Variants in SLIT2 observed in about 807,000 individuals in gnomAD.
The protein encoded by SLIT2 is slit homolog 2 protein.
Under a neutral mutation model 185.7 loss-of-function variants are expected in SLIT2, and 41 were observed. The observed-to-expected ratio is 0.22, with a 90% CI of 0.17 to 0.29. SLIT2 has a LOEUF of 0.29. Ranked by LOEUF, SLIT2 falls within the 10% of genes least tolerant of loss-of-function variation. The probability of loss-of-function intolerance (pLI) is 1.00; values close to 1 mark genes in which losing one functional copy is unlikely to be tolerated. For missense variants in SLIT2, 1,571 were observed against 1,909.0 expected (o/e 0.82, Z 3.30); for synonymous variants, 693 against 680.2 (o/e 1.02, Z -0.29).
chr4:20,266,123 G>A (rs1323833286), intron 3 of SLIT2, among the ~76,000 whole-genome samples: 1 of 151,586 alleles, frequency 6.6e-6, no homozygotes, highest in African/African-American at 2.4e-5. Flanking sequence ...ACACATGTTA[G>A]CTATTAGTTA....
intron 4 of SLIT2, among the ~76,000 whole-genome samples, chr4:20,310,431 A>G (rs559221978): frequency 7.2e-5 from 11 of 152,174 alleles, no homozygotes; most frequent in African/African-American, 2.6e-4. Context: ...CACCATCATA[A>G]CCCGAGTTTC....
rs374841698 is a variant in SLIT2 at position 20,525,086 on chromosome 4, C to T, written c.1439-63C>T. 1.1e-5 allele frequency: 13 copies of T among 1,199,436 alleles called. No individual in the cohort carries two copies. The African/African-American group carries it at 1.8e-4, about 17-fold the overall frequency. 74.3% of individuals were successfully genotyped at this position (1,199,436 alleles called of 1,614,324 possible). ...TTAGTCCATTCTTAATCTAATATAA[C>T]TCATATCTCTGCTTGCTGACATTCA... On this transcript the variant is annotated intron_variant, in intron 14 of 36. Coordinates refer to ENST00000504154, the MANE Select transcript of SLIT2 (RefSeq NM_004787.4).
intron 33 of SLIT2, among the ~76,000 whole-genome samples, chr4:20,603,133 G>A (rs1406314928): frequency 2.0e-5 from 3 of 152,172 alleles, no homozygotes; most frequent in African/African-American, 4.8e-5. Context: ...TGGCTAGGGA[G>A]GCCTCACAAT....
At chr4:20,412,129 C>T (rs1184833022) in intron 4 of SLIT2, among the ~76,000 whole-genome samples, 1 of 151,918 alleles carries the variant, frequency 6.6e-6, no homozygotes, top group East Asian at 1.9e-4. Context: ...GGGATGCACA[C>T]ACACTTACAT....
chr4:20,505,745 T>C (rs1719149003), intron 9 of SLIT2, among the ~76,000 whole-genome samples: 1 of 152,068 alleles, frequency 6.6e-6, no homozygotes, highest in Non-Finnish European at 1.5e-5. Flanking sequence ...TCTAAGGGTC[T>C]TGTGTTTTAA....
At chr4:20,418,433 A>G (rs1727879237) in intron 4 of SLIT2, among the ~76,000 whole-genome samples, 1 of 152,228 alleles carries the variant, frequency 6.6e-6, no homozygotes, top group Admixed American at 6.5e-5. Flanking sequence ...GCTGAAAGAA[A>G]CACCAGTAAT....
At chr4:20,472,496 A>ATATC (rs1207906860) in intron 5 of SLIT2, among the ~76,000 whole-genome samples, 3 of 9,866 alleles carry the variant, frequency 3.0e-4, no homozygotes, top group Admixed American at 1.9e-3. Flanking sequence ...ATATATAGAT[A>ATATC]TATATCTATA....
intron 29 of SLIT2, among the ~76,000 whole-genome samples, chr4:20,586,108 C>A (rs562365995): frequency 6.6e-6 from 1 of 152,260 alleles, no homozygotes; most frequent in South Asian, 2.1e-4. Context: ...ATATTGAGCT[C>A]CTGAATCTCG....
intron 29 of SLIT2, among the ~76,000 whole-genome samples, chr4:20,583,720 A>T (rs1324074208): frequency 6.6e-6 from 1 of 151,976 alleles, no homozygotes; most frequent in Non-Finnish European, 1.5e-5. Context: ...GAGACAGGAG[A>T]ATCGTTTGAA....
At chr4:20,520,033 C>CAAAAAAA (rs34644308) in intron 12 of SLIT2, among the ~76,000 whole-genome samples, 9 of 68,386 alleles carry the variant, frequency 1.3e-4, no homozygotes, top group African/African-American at 2.3e-4. Context: ...GACTCCGTCT[C>CAAAAAAA]AAAAAAAAAA....
At chr4:20,581,634 A>G (rs1181618075) in intron 29 of SLIT2, among the ~76,000 whole-genome samples, 2 of 152,050 alleles carry the variant, frequency 1.3e-5, no homozygotes, top group African/African-American at 4.8e-5. Context: ...GCTTTGGGCC[A>G]TGTATATCTC....
chr4:20,391,803 A>T (rs958057492), intron 4 of SLIT2, among the ~76,000 whole-genome samples: 1 of 152,082 alleles, frequency 6.6e-6, no homozygotes, highest in South Asian at 2.1e-4. Flanking sequence ...CTTGATATCT[A>T]TATGGTTCTT....
At chr4:20,433,168 C>T (rs942595032) in intron 4 of SLIT2, among the ~76,000 whole-genome samples, 2 of 152,148 alleles carry the variant, frequency 1.3e-5, no homozygotes, top group Admixed American at 6.5e-5. Context: ...AGATGAAAGC[C>T]ACTAGAAGCT....
intron 4 of SLIT2, among the ~76,000 whole-genome samples, chr4:20,409,303 A>T (rs1727016892): frequency 6.6e-6 from 1 of 152,142 alleles, no homozygotes; most frequent in South Asian, 2.1e-4. Context: ...GCTCCCACTT[A>T]TAAATGAGAA....
chr4:20,399,523 A>G (rs1261393329), intron 4 of SLIT2, among the ~76,000 whole-genome samples: 1 of 151,772 alleles, frequency 6.6e-6, no homozygotes, highest in Admixed American at 6.6e-5. Flanking sequence ...GATCGGAATA[A>G]TAATTGAATA....
chr4:20,541,688 A>G, intron 20 of SLIT2, 69 bp downstream of exon 20: 3 of 1,327,112 alleles, frequency 2.3e-6, no homozygotes, highest in Non-Finnish European at 3.2e-6. Context: ...GCTTTGCACA[A>G]ATCTACAGCA....
At chr4:20,542,939 G>C (rs1473524316) in intron 21 of SLIT2, among the ~76,000 whole-genome samples, 5 of 150,426 alleles carry the variant, frequency 3.3e-5, no homozygotes, top group African/African-American at 1.2e-4. Context: ...AAAATATAAG[G>C]TATCTTTCAC....
chr4:20,435,183 G>C (rs369387236), intron 4 of SLIT2, among the ~76,000 whole-genome samples: 2 of 152,186 alleles, frequency 1.3e-5, no homozygotes, highest in African/African-American at 4.8e-5. Context: ...TTGTGAGAAA[G>C]TGCTGTATGT....
chr4:20,375,108 C>T (rs1216114358), intron 4 of SLIT2, among the ~76,000 whole-genome samples: 1 of 151,962 alleles, frequency 6.6e-6, no homozygotes, highest in Non-Finnish European at 1.5e-5. Flanking sequence ...TAATTAGTCA[C>T]AATTAGTATG....
Sources: gnomAD v4.1 joint callset for allele counts (sites outside exome capture counted in the v4.1 genomes callset) on GRCh38, gnomAD v4.1.1 for gene constraint, MANE v1.5 for transcripts, NCBI Gene and HGNC (gene_info 2026-07-23, HGNC 2026-07-21) for gene names.